LDB3: variants seen among roughly 807,000 people sequenced by gnomAD.
LDB3 encodes the protein LIM domain-binding protein 3.
A neutral mutation model predicts 69.0 loss-of-function variants in LDB3; 49 were observed. The observed-to-expected ratio is 0.71, with a 90% confidence interval of 0.56 to 0.90. The LOEUF (loss-of-function observed/expected upper bound fraction) is 0.90. Ranked by LOEUF, LDB3 falls within the 40% of genes least tolerant of loss-of-function variation. The pLI, the probability that LDB3 is intolerant of heterozygous loss-of-function variation, is 0.00. For synonymous variants in LDB3, 387 were observed against 396.2 expected, an observed-to-expected ratio of 0.98 and a Z score of 0.28; for missense variants, 928 against 974.1, an observed-to-expected ratio of 0.95 and a Z score of 0.63.
intron 12 of LDB3, 102 bp downstream of exon 12, chr10:86,718,949 C>A: frequency 7.0e-7 from 1 of 1,434,092 alleles, no homozygotes. Context: ...TCCGACCACC[C>A]AGAGGCCTTT....
chr10:86,723,315 T>TAGG (rs1847150792), intron 12 of LDB3, among the ~76,000 whole-genome samples: 1 of 123,940 alleles, frequency 8.1e-6, no homozygotes, highest in African/African-American at 3.1e-5. Flanking sequence ...GATGAATGGA[T>TAGG]AGGATGCATG....
intron 2 of LDB3, among the ~76,000 whole-genome samples, chr10:86,672,044 A>C (rs1310116825): frequency 3.3e-5 from 5 of 152,202 alleles, no homozygotes; most frequent in African/African-American, 1.2e-4. Context: ...CCCAGGAGGC[A>C]GAGGTTGCAG....
chr10:86,669,663 C>T (rs1844348459), intron 2 of LDB3, among the ~76,000 whole-genome samples: 1 of 152,262 alleles, frequency 6.6e-6, no homozygotes, highest in Non-Finnish European at 1.5e-5. Context: ...CCCAGCAAGG[C>T]ACTGGTAGAC....
chr10:86,671,392 G>A (rs958886933), intron 2 of LDB3, among the ~76,000 whole-genome samples: 4 of 152,166 alleles, frequency 2.6e-5, no homozygotes, highest in African/African-American at 7.2e-5. Context: ...GCTCCCGGGG[G>A]CTCATGGCAG....
intron 7 of LDB3, among the ~76,000 whole-genome samples, chr10:86,693,090 A>G (rs1220648328): frequency 6.6e-6 from 1 of 152,002 alleles, no homozygotes; most frequent in Admixed American, 6.6e-5. Flanking sequence ...TGCTGAAAAA[A>G]AAAGAACAAG....
intron 5 of LDB3, among the ~76,000 whole-genome samples, chr10:86,688,561 G>T (rs1167632216): frequency 1.3e-5 from 2 of 152,136 alleles, no homozygotes; most frequent in African/African-American, 4.8e-5. Flanking sequence ...GCTGCTCTTC[G>T]CCTAATTCTG....
chr10:86,708,949 G>T (rs926205495), intron 8 of LDB3, among the ~76,000 whole-genome samples: 2 of 152,170 alleles, frequency 1.3e-5, no homozygotes, highest in African/African-American at 4.8e-5. Flanking sequence ...CAGAAGGAAG[G>T]CAGAAAGCCA....
chr10:86,693,160 A>C (rs775037492), intron 7 of LDB3, among the ~76,000 whole-genome samples: 1 of 152,204 alleles, frequency 6.6e-6, no homozygotes, highest in African/African-American at 2.4e-5. Flanking sequence ...TTTCCCCATC[A>C]GTTGCAGGTC....
intron 7 of LDB3, among the ~76,000 whole-genome samples, chr10:86,704,480 C>G (rs1428669302): frequency 6.6e-6 from 1 of 151,166 alleles, no homozygotes; most frequent in African/African-American, 2.4e-5. Context: ...CAATGGCATG[C>G]ATGATCTCGG....
rs999809633 is a variant in LDB3, at chr10:86,734,238, G to C, written c.*1262G>C. 1 of 152,198 alleles carries C rather than the reference G, an allele frequency of 6.6e-6. No individual in the cohort carries two copies. The highest frequency in any genetic ancestry group is 1.5e-5 in the Non-Finnish European group (1 of 68,036). The allele number at this position is 152,198 out of a possible 1,614,324, so 9.4% of individuals were successfully genotyped here. On this transcript the variant is annotated 3_prime_UTR_variant, in exon 14 of 14. Transcript: ENST00000361373. ...ATTTTGAAAATGTATGAGCTGAGTTGATCTAGCTATTATTTAAGTATTTAT... is the reference window on the plus strand; with the variant it reads ...ATTTTGAAAATGTATGAGCTGAGTTCATCTAGCTATTATTTAAGTATTTAT...
At position 86,734,728 on chromosome 10, in the gene LDB3, G is replaced by A. The variant is rs1427789580; in HGVS notation, c.*1752G>A. 6.6e-6 allele frequency: 1 copy of A among 152,178 alleles called. No homozygotes were observed. The highest frequency in any genetic ancestry group is 1.5e-5 in the Non-Finnish European group (1 of 68,048). 9.4% of individuals were successfully genotyped at this position (152,178 alleles called of 1,614,324 possible). The stretch of plus-strand genomic sequence containing the variant: ...ACCAGTCTCCCCCAGGGAGCATCAG[G>A]AAGGGACATGGATGTGCTCCTGCCA... On this transcript the variant is annotated 3_prime_UTR_variant, in exon 14 of 14. Coordinates refer to ENST00000361373, the MANE Select transcript of LDB3 (RefSeq NM_007078.3).
In LDB3 at chr10:86,676,557, C is replaced by T. The variant is rs751915648; in HGVS notation, c.94-2810C>T. Among the ~76,000 whole-genome samples, 145 of 123,144 alleles carry T rather than the reference C, an allele frequency of 1.2e-3. 1 individual carries two copies. Among genetic ancestry groups the T allele is most frequent in the Middle Eastern group, 0.011 (2 of 190 alleles). The allele number at this position is 123,144 out of a possible 152,430, so 80.8% of individuals were successfully genotyped here. A position where few individuals can be genotyped will look rare whatever the true frequency, so the allele number is the denominator to read the frequency against. Reference sequence around the variant, plus strand: ...TCCAGCCTGGGCATCAGAGCAAGACCCTGTCTCAAAAAAAAAAAAAAAGAG... The same window carrying T: ...TCCAGCCTGGGCATCAGAGCAAGACTCTGTCTCAAAAAAAAAAAAAAAGAG... On this transcript the variant is annotated intron_variant, in intron 2 of 13. Coordinates refer to ENST00000361373, the MANE Select transcript of LDB3 (RefSeq NM_007078.3).
chr10:86,735,909 A>G lies in LDB3; in HGVS notation c.*2933A>G, dbSNP rs1847617455. On this transcript the variant is annotated 3_prime_UTR_variant, in exon 14 of 14. Coordinates refer to ENST00000361373, the MANE Select transcript of LDB3 (RefSeq NM_007078.3). ...TAATGTGTTAACTTTTTAACTCAGT[A>G]TTCTGGCTTTGGGATTTTTTGTTTT... 6.6e-6 allele frequency: 1 copy of G among 151,078 alleles called. No individual in the cohort carries two copies. Among genetic ancestry groups the G allele is most frequent in the South Asian group, 2.1e-4 (1 of 4,820 alleles). 9.4% of individuals were successfully genotyped at this position (151,078 alleles called of 1,614,324 possible).
chr10:86,711,465 C>T (rs1448545330), intron 9 of LDB3, among the ~76,000 whole-genome samples: 1 of 151,742 alleles, frequency 6.6e-6, no homozygotes, highest in African/African-American at 2.4e-5. Flanking sequence ...CGGCCTGCCT[C>T]CACCTCCCTC....
At chr10:86,718,576 T>A (rs943019507) in intron 11 of LDB3, 151 bp from the exon 12 acceptor site, 26 of 1,020,326 alleles carry the variant, frequency 2.5e-5, no homozygotes, top group Non-Finnish European at 3.7e-5. Flanking sequence ...CTGACACCCC[T>A]GGGTCTTTCT....
rs527357897 is a variant in LDB3 at position 86,693,650 on chromosome 10, T to A, written c.896+1079T>A. Among the ~76,000 whole-genome samples the A allele has an allele frequency of 1.2e-4, 18 of 152,372 alleles. No homozygotes were observed. The South Asian group carries it at 3.7e-3, about 32-fold the overall frequency. Reference sequence around the variant, plus strand: ...TGCTAAGGATGGCATGCAGTCCCAATAACAGTTCTTAACCCTTCAGTGCCT... The same window carrying A: ...TGCTAAGGATGGCATGCAGTCCCAAAAACAGTTCTTAACCCTTCAGTGCCT... On this transcript the variant is annotated intron_variant, in intron 7 of 13. Coordinates refer to ENST00000361373, the MANE Select transcript of LDB3 (RefSeq NM_007078.3).
At chr10:86,722,731 T>C (rs1589681642) in intron 12 of LDB3, among the ~76,000 whole-genome samples, 1 of 151,560 alleles carries the variant, frequency 6.6e-6, no homozygotes, top group Non-Finnish European at 1.5e-5. Context: ...CACGCCTGGC[T>C]AATTTTTATA....
chr10:86,704,636 T>A (rs894842553), intron 7 of LDB3, among the ~76,000 whole-genome samples: 78 of 147,046 alleles, frequency 5.3e-4, no homozygotes, highest in Non-Finnish European at 9.5e-4. Flanking sequence ...CTGGAGTGAA[T>A]TGGCGTGATC....
chr10:86,694,170 C>T (rs1293362372), intron 7 of LDB3, among the ~76,000 whole-genome samples: 1 of 152,214 alleles, frequency 6.6e-6, no homozygotes, highest in East Asian at 1.9e-4. Context: ...GGAATATTTG[C>T]AGGCTCTGCA....
Sources: allele counts gnomAD v4.1 joint callset (sites outside exome capture counted in the v4.1 genomes callset), GRCh38; gene constraint gnomAD v4.1.1; transcripts MANE v1.5; gene names NCBI Gene and HGNC (gene_info 2026-07-23, HGNC 2026-07-21).